Variants in EXOC3 observed in about 807,000 individuals in gnomAD.
EXOC3 encodes SEC6-like 1.
Under a neutral mutation model 73.7 loss-of-function variants are expected in EXOC3, and 21 were observed. The observed-to-expected ratio is 0.29, with a 90% CI of 0.20 to 0.41. The LOEUF (loss-of-function observed/expected upper bound fraction) is 0.41, where lower values mean the gene tolerates loss of function less well. Among genes scored for constraint, EXOC3 ranks in the 10% least tolerant of loss-of-function variants. The probability of loss-of-function intolerance (pLI) is 1.00; values close to 1 mark genes in which losing one functional copy is unlikely to be tolerated. For missense variants in EXOC3, 842 were observed against 985.1 expected, an observed-to-expected ratio of 0.85 and a Z score of 1.95; for synonymous variants, 410 against 389.1, an observed-to-expected ratio of 1.05 and a Z score of -0.63.
At chr5:452,520 C>T (rs1737686254) in intron 3 of EXOC3, among the ~76,000 whole-genome samples, 1 of 152,216 alleles carries the variant, frequency 6.6e-6, no homozygotes, top group South Asian at 2.1e-4. Context: ...AGATCTTTTA[C>T]AGGAACAGTT....
intron 8 of EXOC3, 31 bp downstream of exon 8, chr5:462,101 G>A: frequency 6.3e-7 from 1 of 1,593,704 alleles, no homozygotes; most frequent in South Asian, 1.1e-5. Context: ...TGGCGGGGGA[G>A]CGGTGGAGGC....
Position 456,918 on chromosome 5 carries a change from C to T in EXOC3, c.1076C>T (p.Ala359Val), listed in dbSNP as rs1257116973. The T allele has an allele frequency of 6.2e-7, 1 of 1,613,934 alleles. No individual in the cohort carries two copies. Among genetic ancestry groups the T allele is most frequent in the South Asian group, 1.1e-5 (1 of 91,080 alleles). Residue 359 changes from alanine (A) to valine (V), a missense_variant, in exon 5 of 13, where the codon GCC (alanine) becomes GTC (valine). Coordinates refer to ENST00000512944, the MANE Select transcript of EXOC3 (RefSeq NM_007277.5). ...GAGATGATGAGGAACGTGGAGCTGG[C>T]CCCGGAAGTGGATGTCGGCACCCTG... The part of the protein sequence containing the change: ...STEMMRNVEL[A>V]PEVDVGTLEP...
chr5:456,838 C>A, intron 4 of EXOC3, 51 bp from the exon 5 acceptor site: 1 of 1,372,902 alleles, frequency 7.3e-7, no homozygotes, highest in Non-Finnish European at 1.0e-6. Flanking sequence ...CTTGGGCATG[C>A]TCTTCTGTGT....
intron 5 of EXOC3, 165 bp from the exon 6 acceptor site, chr5:457,735 G>A: frequency 1.5e-6 from 1 of 651,788 alleles, no homozygotes; most frequent in Non-Finnish European, 2.6e-6. Flanking sequence ...TCCCATGGGG[G>A]TGGCTCCTGG....
At position 465,757 on chromosome 5, in the gene EXOC3, G is replaced by A. The variant is rs1433915091; in HGVS notation, c.1978G>A (p.Val660Met). The A allele has an allele frequency of 1.2e-6, 2 of 1,613,908 alleles. No individual in the cohort carries two copies. Among genetic ancestry groups the A allele is most frequent in the East Asian group, 2.2e-5 (1 of 44,890 alleles). The part of the protein sequence containing the change: ...EDVDGYCDTI[V>M]AVAEVIKLTD... Reference sequence around the variant, plus strand: ...CGTGGACGGATACTGCGACACCATCGTGGCTGTGGCCGAAGTGATCAAGCT... The same window carrying A: ...CGTGGACGGATACTGCGACACCATCATGGCTGTGGCCGAAGTGATCAAGCT... Residue 660 changes from valine (V) to methionine (M), a missense_variant, in exon 12 of 13, where the codon GTG becomes ATG. By Grantham distance (21) the Val-to-Met change is conservative. Coordinates refer to ENST00000512944, the MANE Select transcript of EXOC3 (RefSeq NM_007277.5).
At chr5:462,396 C>G (rs766249665) in intron 9 of EXOC3, 89 bp downstream of exon 9, 1 of 1,448,238 alleles carries the variant, frequency 6.9e-7, no homozygotes, top group Non-Finnish European at 9.6e-7. Context: ...TGAACTGTAC[C>G]GTGCGGATGC....
At chr5:450,790 GTT>G (rs34225129) in intron 3 of EXOC3, among the ~76,000 whole-genome samples, 4 of 141,088 alleles carry the variant, frequency 2.8e-5, no homozygotes, top group Admixed American at 7.0e-5. Context: ...TTTGTGACTA[GTT>G]TTTTTTTTTT....
chr5:465,004 C>T, intron 10 of EXOC3, 107 bp from the exon 11 acceptor site: 1 of 1,225,396 alleles, frequency 8.2e-7, no homozygotes, highest in Non-Finnish European at 1.1e-6. Context: ...GAGGAGTGGG[C>T]TCAGAGCCTC....
rs148960919 is a variant in EXOC3 at position 451,800 on chromosome 5, C to T, written c.365-1570C>T. Among the ~76,000 whole-genome samples the T allele has an allele frequency of 4.6e-3, 694 of 152,332 alleles. 4 individuals are homozygous for T. Among genetic ancestry groups the T allele is most frequent in the African/African-American group, 0.016 (662 of 41,586 alleles). On this transcript the variant is annotated intron_variant, in intron 3 of 12. Coordinates refer to ENST00000512944, the MANE Select transcript of EXOC3 (RefSeq NM_007277.5). ...TGGGGATGTCTTAATATCGCTCTCA[C>T]TTTTGAATGACCATTTTGCTAGATT...
chr5:456,312 T>A (rs1737806599), intron 4 of EXOC3, among the ~76,000 whole-genome samples: 1 of 152,238 alleles, frequency 6.6e-6, no homozygotes, highest in African/African-American at 2.4e-5. Context: ...TTTTTTGAAA[T>A]TTTTATTATT....
Position 446,201 on chromosome 5 carries a change from T to G in EXOC3, c.-5T>G. On this transcript the variant is annotated 5_prime_UTR_variant, in exon 2 of 13. Transcript: ENST00000512944. ...CAGTGTGAGGATTCCACCAGCTTTTTCACCATGAAGGAGACAGACCGGGAG... is the reference window on the plus strand; with the variant it reads ...CAGTGTGAGGATTCCACCAGCTTTTGCACCATGAAGGAGACAGACCGGGAG... The G allele has an allele frequency of 6.2e-7, 1 of 1,613,952 alleles. No homozygotes were observed. Among genetic ancestry groups the G allele is most frequent in the Non-Finnish European group, 8.5e-7 (1 of 1,179,864 alleles).
At chr5:466,030 C>G (rs1178409248) in intron 12 of EXOC3, 185 bp downstream of exon 12, 1 of 561,382 alleles carries the variant, frequency 1.8e-6, no homozygotes, top group East Asian at 3.5e-5. Context: ...CTGCCTTCCA[C>G]CTGGCCTGGG....
rs760518025 is a variant in EXOC3 at position 465,264 on chromosome 5, C to T, written c.1930C>T (p.Leu644=). 14 of 1,583,044 alleles carry T rather than the reference C, an allele frequency of 8.8e-6. No individual in the cohort carries two copies. Among genetic ancestry groups the T allele is most frequent in the South Asian group, 8.1e-5 (7 of 86,570 alleles). The change falls in exon 11 of 13, where the codon CTG becomes TTG. Residue 644 remains leucine (L), a synonymous_variant. Coordinates refer to ENST00000512944, the MANE Select transcript of EXOC3 (RefSeq NM_007277.5). ...GCAGCTGCGCTTCCTGTTCCGGAAGCTGGCGTCCGTGAGTGTCGCGCAGGT... is the reference window on the plus strand; with the variant it reads ...GCAGCTGCGCTTCCTGTTCCGGAAGTTGGCGTCCGTGAGTGTCGCGCAGGT... The part of the protein sequence containing the change: ...AEQLRFLFRK[L]ASGFGEDVDG...
At chr5:445,983 G>A (rs892049503) in intron 1 of EXOC3, among the ~76,000 whole-genome samples, 167 bp from the exon 2 acceptor site, 6 of 152,154 alleles carry the variant, frequency 3.9e-5, no homozygotes, top group Non-Finnish European at 7.3e-5. Flanking sequence ...TTTGTGTTAC[G>A]AAGGTTTGTT....
intron 3 of EXOC3, 92 bp from the exon 4 acceptor site, chr5:453,278 T>C: frequency 1.1e-6 from 1 of 925,596 alleles, no homozygotes; most frequent in South Asian, 1.7e-5. Flanking sequence ...GAGATGTGGC[T>C]TCCTGCTCTG....
intron 4 of EXOC3, among the ~76,000 whole-genome samples, chr5:454,288 C>T (rs1737739767): frequency 6.6e-6 from 1 of 152,268 alleles, no homozygotes; most frequent in South Asian, 2.1e-4. Flanking sequence ...CCTCCAGCCC[C>T]CGTTGAGCTT....
chr5:459,206 G>A (rs1327700338), intron 6 of EXOC3, among the ~76,000 whole-genome samples, 153 bp from the exon 7 acceptor site: 1 of 134,874 alleles, frequency 7.4e-6, no homozygotes, highest in Non-Finnish European at 1.6e-5. Flanking sequence ...AACTAACTTT[G>A]TTATTTTTCA....
At position 457,977 on chromosome 5, in the gene EXOC3, C is replaced by T. The variant is rs1335028401; in HGVS notation, c.1242C>T (p.Ala414=). 6.8e-6 allele frequency: 11 copies of T among 1,612,626 alleles called. No homozygotes were observed. Among genetic ancestry groups the T allele is most frequent in the South Asian group, 2.2e-5 (2 of 90,732 alleles). Reference sequence around the variant, plus strand: ...GGGTCAAAGAGACAGAGCCAGAAGCCGACCAGGACGGGTACTACCAGACCA... The same window carrying T: ...GGGTCAAAGAGACAGAGCCAGAAGCTGACCAGGACGGGTACTACCAGACCA... ...KDWVKETEPE[A]DQDGYYQTTL... Residue 414 remains alanine (A), a synonymous_variant, in exon 6 of 13, where the codon GCC becomes GCT. Transcript: ENST00000512944.
intron 3 of EXOC3, among the ~76,000 whole-genome samples, chr5:447,987 G>T (rs1474640852): frequency 6.6e-6 from 1 of 152,246 alleles, no homozygotes; most frequent in African/African-American, 2.4e-5. Flanking sequence ...GAAGCGGGCT[G>T]CCCAGCAAAT....
Sources: allele counts gnomAD v4.1 joint callset (sites outside exome capture counted in the v4.1 genomes callset), GRCh38; gene constraint gnomAD v4.1.1; transcripts MANE v1.5; gene names NCBI Gene and HGNC (gene_info 2026-07-23, HGNC 2026-07-21).